Variants in SPMIP1 observed in about 807,000 individuals in gnomAD.
The protein encoded by SPMIP1 is sperm microtubule inner protein 1.
At chr7:128,866,390 C>T in the SPMIP1 span, 2 of 1,500,154 alleles carry the variant, frequency 1.3e-6, no homozygotes, top group Admixed American at 2.0e-5. Context: ...CACCCTGGTG[C>T]CACTCCTTCC....
At chr7:128,868,906 C>G in the SPMIP1 span, 1 of 600,352 alleles carries the variant, frequency 1.7e-6, no homozygotes, top group Non-Finnish European at 2.9e-6. Flanking sequence ...CTTTCTGAAA[C>G]TATCAGACCT....
chr7:128,870,957 C>G, the SPMIP1 span: 15,442 of 152,346 alleles, frequency 0.1, 1,428 homozygotes, highest in East Asian at 0.32. Context: ...TCTGAGCTAC[C>G]TGGCACCCCA....
the SPMIP1 span, chr7:128,868,800 G>C: frequency 6.7e-7 from 1 of 1,488,414 alleles, no homozygotes; most frequent in Non-Finnish European, 9.0e-7. Flanking sequence ...TGGGCTTAGG[G>C]GAGGGAAGAA....
chr7:128,868,558 G>T, the SPMIP1 span: 1 of 581,558 alleles, frequency 1.7e-6, no homozygotes, highest in South Asian at 2.6e-5. Context: ...CCCACAAAGT[G>T]GCTACTCCAC....
At chr7:128,866,435 C>T in the SPMIP1 span, 36 of 1,532,742 alleles carry the variant, frequency 2.3e-5, no homozygotes, top group East Asian at 1.7e-4. Context: ...AACATAGACG[C>T]GTTACGGCAG....
chr7:128,868,625 C>T, the SPMIP1 span: 58,366 of 1,345,980 alleles, frequency 0.043, 2,214 homozygotes, highest in African/African-American at 0.18. Context: ...GCGTGTCCCT[C>T]CCTCAGGAAC....
At chr7:128,871,588 G>C in the SPMIP1 span, 1 of 152,230 alleles carries the variant, frequency 6.6e-6, no homozygotes, top group Non-Finnish European at 1.5e-5. Flanking sequence ...GTGGAGGAAG[G>C]AGAGCTGTTC....
At chr7:128,868,619 G>A in the SPMIP1 span, 27 of 1,270,282 alleles carry the variant, frequency 2.1e-5, no homozygotes, top group Non-Finnish European at 2.7e-5. Flanking sequence ...TGCTCTGCGT[G>A]TCCCTCCCTC....
the SPMIP1 span, among the ~76,000 whole-genome samples, chr7:128,868,156 G>A: frequency 1.3e-5 from 2 of 152,244 alleles, no homozygotes; most frequent in Non-Finnish European, 2.9e-5. Flanking sequence ...TGCTGTCTGT[G>A]CTCATGAATG....
the SPMIP1 span, chr7:128,869,914 G>C: frequency 6.7e-6 from 1 of 149,202 alleles, no homozygotes; most frequent in South Asian, 2.1e-4. Context: ...TCCAGGCCTG[G>C]GGGCCCCGGA....
the SPMIP1 span, chr7:128,866,802 C>T: frequency 6.5e-6 from 10 of 1,534,888 alleles, 1 homozygote; most frequent in South Asian, 1.2e-4. Flanking sequence ...TCCCCATCAC[C>T]ACCAGCTTCA....
chr7:128,868,917 G>A, the SPMIP1 span: 5 of 582,870 alleles, frequency 8.6e-6, no homozygotes, highest in Non-Finnish European at 1.5e-5. Context: ...TATCAGACCT[G>A]CAAGTTGCCC....
chr7:128,868,795 T>C, the SPMIP1 span: 2 of 1,498,152 alleles, frequency 1.3e-6, no homozygotes, highest in Non-Finnish European at 1.8e-6. Context: ...AGGTGTGGGC[T>C]TAGGGGAGGG....
chr7:128,866,352 C>A, the SPMIP1 span: 1 of 1,366,688 alleles, frequency 7.3e-7, no homozygotes, highest in Non-Finnish European at 9.8e-7. Flanking sequence ...AAGCACTCTG[C>A]TTGCTGTGCT....
the SPMIP1 span, chr7:128,871,890 T>C: frequency 6.6e-6 from 1 of 152,236 alleles, no homozygotes; most frequent in African/African-American, 2.4e-5. Flanking sequence ...CTGGTAATAA[T>C]GTTATAATTG....
chr7:128,866,644 G>T, the SPMIP1 span: 1 of 1,506,112 alleles, frequency 6.6e-7, no homozygotes, highest in East Asian at 2.5e-5. Flanking sequence ...GCCCAGCCCT[G>T]TCCCAGAGGC....
the SPMIP1 span, chr7:128,869,442 G>A: frequency 6.6e-6 from 1 of 152,490 alleles, no homozygotes; most frequent in East Asian, 1.9e-4. Context: ...CCTTCTAGGG[G>A]TCTTGCCTGT....
chr7:128,868,757 C>T, the SPMIP1 span: 15 of 1,535,066 alleles, frequency 9.8e-6, no homozygotes, highest in Non-Finnish European at 1.3e-5. Flanking sequence ...TGCTTGATCC[C>T]CGAGACCTGG....
the SPMIP1 span, chr7:128,868,606 C>T: frequency 3.6e-6 from 4 of 1,100,044 alleles, no homozygotes; most frequent in South Asian, 4.3e-5. Context: ...GACAGGGCTC[C>T]CATGCTCTGC....
Sources: gnomAD v4.1 joint callset for allele counts (sites outside exome capture counted in the v4.1 genomes callset) on GRCh38, gnomAD v4.1.1 for gene constraint, MANE v1.5 for transcripts, NCBI Gene and HGNC (gene_info 2026-07-23, HGNC 2026-07-21) for gene names.